Variants in PDE4D observed in about 807,000 individuals in gnomAD.
PDE4D encodes the protein 3',5'-cyclic-AMP phosphodiesterase 4D.
PDE4D carries 24 observed loss-of-function variants against 87.4 expected under a neutral mutation model. The observed-to-expected ratio is 0.27, with a 90% CI of 0.20 to 0.39. PDE4D has a LOEUF of 0.39. PDE4D is among the 10% of genes least tolerant of loss of function. The pLI, the probability that PDE4D is intolerant of heterozygous loss-of-function variation, is 1.00. For synonymous variants in PDE4D, 384 were observed against 383.2 expected (o/e 1.00, Z -0.02); for missense variants, 714 against 1,041.0 (o/e 0.69, Z 4.32).
At chr5:59,440,372 C>T (rs1004197336) in intron 1 of PDE4D, among the ~76,000 whole-genome samples, 3 of 152,182 alleles carry the variant, frequency 2.0e-5, no homozygotes, top group Non-Finnish European at 4.4e-5. Context: ...TTTACTTATT[C>T]CCATCCAAAA....
chr5:59,266,823 C>T (rs916447490), intron 1 of PDE4D, among the ~76,000 whole-genome samples: 2 of 151,978 alleles, frequency 1.3e-5, no homozygotes, highest in Non-Finnish European at 2.9e-5. Context: ...GTAGCCAAAG[C>T]AGTTTAGATA....
intron 5 of PDE4D, among the ~76,000 whole-genome samples, chr5:59,080,730 T>A (rs1289728870): frequency 6.6e-6 from 1 of 152,192 alleles, no homozygotes; most frequent in Non-Finnish European, 1.5e-5. Flanking sequence ...CAAGCTTGAA[T>A]CTGTACCAAT....
intron 1 of PDE4D, among the ~76,000 whole-genome samples, chr5:59,225,362 G>A (rs1753536265): frequency 1.3e-5 from 2 of 152,220 alleles, no homozygotes; most frequent in East Asian, 1.9e-4. Context: ...TTGGTTTTAT[G>A]TCTGTCTTTA....
intron 1 of PDE4D, among the ~76,000 whole-genome samples, chr5:60,329,628 C>A (rs1227049283): frequency 6.6e-6 from 1 of 152,114 alleles, no homozygotes; most frequent in African/African-American, 2.4e-5. Flanking sequence ...AAATGGTTTT[C>A]TATGTGATGG....
chr5:59,037,015 T>TA (rs1758641582), intron 6 of PDE4D, among the ~76,000 whole-genome samples: 1 of 151,086 alleles, frequency 6.6e-6, no homozygotes. Flanking sequence ...ATTTTTTTTT[T>TA]AAATCCCTGT....
chr5:59,858,293 A>G (rs1745755270), intron 1 of PDE4D, among the ~76,000 whole-genome samples: 2 of 151,954 alleles, frequency 1.3e-5, no homozygotes, highest in South Asian at 2.1e-4. Context: ...TATTTGGAGC[A>G]AAGGGACTGG....
At chr5:60,142,396 G>T (rs1359008143) in intron 2 of PDE4D, among the ~76,000 whole-genome samples, 1 of 152,172 alleles carries the variant, frequency 6.6e-6, no homozygotes, top group Admixed American at 6.5e-5. Context: ...AAGAACAGAG[G>T]CTCAGAAAGA....
intron 1 of PDE4D, among the ~76,000 whole-genome samples, chr5:59,614,624 G>A (rs1829428082): frequency 6.6e-6 from 1 of 152,052 alleles, no homozygotes; most frequent in Non-Finnish European, 1.5e-5. Flanking sequence ...TACCTAATCA[G>A]ACAAGATTAT....
chr5:59,398,441 A>G (rs1789927831), intron 1 of PDE4D, among the ~76,000 whole-genome samples: 1 of 143,790 alleles, frequency 7.0e-6, no homozygotes, highest in African/African-American at 2.6e-5. Flanking sequence ...CAAATCAGTA[A>G]ATGTAATCCA....
chr5:60,321,882 C>T (rs1756304931), intron 1 of PDE4D, among the ~76,000 whole-genome samples: 2 of 139,492 alleles, frequency 1.4e-5, no homozygotes, highest in Non-Finnish European at 3.0e-5. Context: ...ATTAAAAAGT[C>T]AAAAAATACT....
intron 1 of PDE4D, among the ~76,000 whole-genome samples, chr5:59,822,698 A>C (rs1270963465): frequency 6.6e-6 from 1 of 152,212 alleles, no homozygotes; most frequent in Non-Finnish European, 1.5e-5. Flanking sequence ...ACAGCTGCCC[A>C]GCTGTGAGTA....
chr5:59,092,495 G>A (rs1768919482), intron 5 of PDE4D, among the ~76,000 whole-genome samples: 1 of 152,108 alleles, frequency 6.6e-6, no homozygotes, highest in African/African-American at 2.4e-5. Flanking sequence ...TTAATAAATA[G>A]GTCAATTAAT....
chr5:60,302,391 T>C (rs890047800), intron 1 of PDE4D, among the ~76,000 whole-genome samples: 4 of 152,200 alleles, frequency 2.6e-5, no homozygotes. Context: ...CCTGGTTCAG[T>C]CTTTGGAAGG....
intron 1 of PDE4D, among the ~76,000 whole-genome samples, chr5:59,786,272 C>G (rs1349669801): frequency 1.3e-5 from 2 of 152,214 alleles, no homozygotes; most frequent in Non-Finnish European, 2.9e-5. Context: ...CTTAAATCAA[C>G]TATAATTTTC....
intron 1 of PDE4D, among the ~76,000 whole-genome samples, chr5:59,419,010 T>A (rs1476532165): frequency 3.3e-5 from 5 of 152,184 alleles, no homozygotes; most frequent in Non-Finnish European, 7.3e-5. Context: ...GGGTCTCAGT[T>A]TTCTTATCAG....
intron 1 of PDE4D, among the ~76,000 whole-genome samples, chr5:59,334,517 C>CA (rs1777332847): frequency 1.3e-5 from 2 of 151,986 alleles, no homozygotes; most frequent in Admixed American, 6.6e-5. Context: ...CTCAGCCTCC[C>CA]AAAGTGCTAG....
At position 58,999,565 on chromosome 5, in the gene PDE4D, A is replaced by G. The variant is rs751110492; in HGVS notation, c.922-6100T>C. ...TGATTGATTATATGTATATATATATATATGTATATATATAGTAAGCTCTAA... is the reference window on the plus strand; with the variant it reads ...TGATTGATTATATGTATATATATATGTATGTATATATATAGTAAGCTCTAA... On this transcript the variant is annotated intron_variant, in intron 6 of 14. Transcript: ENST00000340635. 32 of 1,195,342 alleles carry G rather than the reference A, an allele frequency of 2.7e-5. 4 individuals are homozygous for G. Among genetic ancestry groups the G allele is most frequent in the Admixed American group, 3.4e-5 (1 of 29,280 alleles). The allele number at this position is 1,195,342 out of a possible 1,614,324, so 74.0% of individuals were successfully genotyped here.
chr5:59,574,082 ATTT>A (rs1822505930), intron 1 of PDE4D, among the ~76,000 whole-genome samples: 2 of 2,906 alleles, frequency 6.9e-4, no homozygotes, highest in African/African-American at 1.1e-3. Context: ...TTATATATAT[ATTT>A]ATATATATAA....
At chr5:59,169,242 T>G (rs1251867292) in intron 5 of PDE4D, among the ~76,000 whole-genome samples, 1 of 152,144 alleles carries the variant, frequency 6.6e-6, no homozygotes, top group African/African-American at 2.4e-5. Context: ...CCTAGAATAT[T>G]TTTTAAGGCT....
Sources: allele counts gnomAD v4.1 joint callset (sites outside exome capture counted in the v4.1 genomes callset), GRCh38; gene constraint gnomAD v4.1.1; transcripts MANE v1.5; gene names NCBI Gene and HGNC (gene_info 2026-07-23, HGNC 2026-07-21).